Variants in PARD3B observed in about 807,000 individuals in gnomAD.
PARD3B encodes the protein par-3 family cell polarity regulator beta, also known as partitioning defective 3 homolog B.
PARD3B carries 103 observed loss-of-function variants against 130.2 expected under a neutral mutation model. The observed-to-expected ratio is 0.79, with a 90% CI of 0.67 to 0.93. The LOEUF is 0.93. PARD3B is among the 40% of genes least tolerant of loss of function. The pLI, the probability that PARD3B is intolerant of heterozygous loss-of-function variation, is 0.00. For missense variants in PARD3B, 1,609 were observed against 1,499.2 expected (o/e 1.07, Z -1.21); for synonymous variants, 583 against 553.2 (o/e 1.05, Z -0.76).
intron 1 of PARD3B, among the ~76,000 whole-genome samples, chr2:204,549,662 C>T (rs975808655): frequency 6.6e-6 from 1 of 152,134 alleles, no homozygotes; most frequent in African/African-American, 2.4e-5. Context: ...CTAATCTTTT[C>T]GTATGGCTGA....
At chr2:205,028,584 C>T (rs1404699004) in intron 3 of PARD3B, among the ~76,000 whole-genome samples, 1 of 152,096 alleles carries the variant, frequency 6.6e-6, no homozygotes, top group African/African-American at 2.4e-5. Flanking sequence ...GTCCCACTAG[C>T]GGCCTTCCCT....
intron 3 of PARD3B, among the ~76,000 whole-genome samples, chr2:204,988,060 C>G (rs143631666): frequency 1.3e-5 from 2 of 151,884 alleles, no homozygotes; most frequent in African/African-American, 4.8e-5. Context: ...CATCACATTG[C>G]AGGAGGAGGA....
chr2:204,802,181 G>A (rs1029082729), intron 2 of PARD3B, among the ~76,000 whole-genome samples: 6 of 152,152 alleles, frequency 3.9e-5, no homozygotes, highest in African/African-American at 1.4e-4. Context: ...GTGGGCAAAG[G>A]ATATGAACAG....
At chr2:204,560,688 T>G (rs556932692) in intron 1 of PARD3B, among the ~76,000 whole-genome samples, 1 of 152,202 alleles carries the variant, frequency 6.6e-6, no homozygotes, top group Admixed American at 6.5e-5. Context: ...TCCAGGACAG[T>G]TGTGGGACGG....
At position 204,902,418 on chromosome 2, in the gene PARD3B, C is replaced by T. The variant is rs1171986217; in HGVS notation, c.223-62734C>T. On this transcript the variant is annotated intron_variant, in intron 2 of 22. Transcript: ENST00000406610. ...GGCGCGGTGGCTCAGGCCTGTTATCCCAGCACTTTGGGAGGCCGAAGCGGG... is the reference window on the plus strand; with the variant it reads ...GGCGCGGTGGCTCAGGCCTGTTATCTCAGCACTTTGGGAGGCCGAAGCGGG... Among the ~76,000 whole-genome samples, 3 of 152,082 alleles carry T rather than the reference C, an allele frequency of 2.0e-5. No homozygotes were observed. In the East Asian group the frequency reaches 5.8e-4, roughly 30 times the overall value.
intron 3 of PARD3B, among the ~76,000 whole-genome samples, chr2:205,006,970 C>T (rs192460494): frequency 9.2e-5 from 14 of 152,166 alleles, no homozygotes; most frequent in Admixed American, 3.3e-4. Flanking sequence ...ATTTGATTCA[C>T]CTAATATTGT....
Position 204,596,958 on chromosome 2 carries a change from C to A in PARD3B, c.120+50839C>A, listed in dbSNP as rs77631124. Among the ~76,000 whole-genome samples, 1,345 of 151,208 alleles carry A rather than the reference C, an allele frequency of 8.9e-3. 6 individuals are homozygous for A. The highest frequency in any genetic ancestry group is 0.021 in the Middle Eastern group (6 of 292). On this transcript the variant is annotated intron_variant, in intron 1 of 22. Coordinates refer to ENST00000406610, the MANE Select transcript of PARD3B (RefSeq NM_001302769.2). The stretch of plus-strand genomic sequence containing the variant: ...TCTCTCTATCTGTCTCTCTCTCTCT[C>A]TCTCTATATATATATTATATATAAT...
At chr2:205,155,061 C>CA (rs10711367) in intron 10 of PARD3B, among the ~76,000 whole-genome samples, 8 of 148,184 alleles carry the variant, frequency 5.4e-5, no homozygotes, top group Non-Finnish European at 7.5e-5. Flanking sequence ...AATTTCATTT[C>CA]AAAAAAAAAA....
rs1409325978 is a variant in PARD3B, at chr2:204,967,241, A to T, written c.394+1918A>T. 6.6e-6 allele frequency among the ~76,000 whole-genome samples: 1 copy of T among 152,192 alleles called. No homozygotes were observed. Among genetic ancestry groups the T allele is most frequent in the African/African-American group, 2.4e-5 (1 of 41,436 alleles). On this transcript the variant is annotated intron_variant, in intron 3 of 22. Transcript: ENST00000406610. This position sits in a 1 kb window ranked among gnomAD's most constrained non-coding sequence, Gnocchi z 4.4. Reference sequence around the variant, plus strand: ...CATTCCCTTCCAACCATTTGGCCTGAAACCTTGGCATCACCTCCAGTTCCA... The same window carrying T: ...CATTCCCTTCCAACCATTTGGCCTGTAACCTTGGCATCACCTCCAGTTCCA...
chr2:205,148,056 A>G (rs1199385633), intron 10 of PARD3B, among the ~76,000 whole-genome samples: 2 of 152,078 alleles, frequency 1.3e-5, no homozygotes, highest in Admixed American at 6.5e-5. Flanking sequence ...AATATAGAGT[A>G]TATATAATAT....
chr2:205,477,354 T>C (rs1360972659), intron 20 of PARD3B, among the ~76,000 whole-genome samples: 2 of 152,198 alleles, frequency 1.3e-5, no homozygotes, highest in African/African-American at 4.8e-5. Flanking sequence ...GAATTTTTTA[T>C]AGACTCTCTC....
At chr2:204,814,672 C>G (rs1282915833) in intron 2 of PARD3B, among the ~76,000 whole-genome samples, 1 of 151,478 alleles carries the variant, frequency 6.6e-6, no homozygotes, top group African/African-American at 2.4e-5. Flanking sequence ...CAATATTTCA[C>G]CGTTGAGTAA....
intron 21 of PARD3B, among the ~76,000 whole-genome samples, chr2:205,523,204 ACTATAT>A (rs1417666705): frequency 1.7e-3 from 131 of 78,872 alleles, no homozygotes; most frequent in African/African-American, 4.6e-3. Context: ...ACCCCCGTGT[ACTATAT>A]GTGTGTGTGT....
intron 19 of PARD3B, among the ~76,000 whole-genome samples, chr2:205,432,938 ACCT>A (rs1453115113): frequency 1.3e-5 from 2 of 152,122 alleles, no homozygotes; most frequent in Non-Finnish European, 2.9e-5. Flanking sequence ...ATTCATAAAT[ACCT>A]CCTCTAAAGA....
At chr2:205,599,588 A>C (rs763122943) in intron 22 of PARD3B, among the ~76,000 whole-genome samples, 8 of 152,170 alleles carry the variant, frequency 5.3e-5, no homozygotes, top group Non-Finnish European at 7.3e-5. Flanking sequence ...GCAAGGGAAA[A>C]GATTTAGGAA....
intron 18 of PARD3B, among the ~76,000 whole-genome samples, chr2:205,332,191 A>C (rs564652281): frequency 1.3e-5 from 2 of 152,312 alleles, no homozygotes; most frequent in African/African-American, 4.8e-5. Context: ...TCAGTCTCCA[A>C]CTTTGCTTGC....
intron 15 of PARD3B, among the ~76,000 whole-genome samples, chr2:205,243,941 T>C (rs1183060615): frequency 1.3e-5 from 2 of 152,234 alleles, no homozygotes; most frequent in Non-Finnish European, 2.9e-5. Context: ...TTATCATTGT[T>C]TTCTAATGCT....
Position 205,160,143 on chromosome 2 carries a change from A to G in PARD3B, c.1620+1236A>G, listed in dbSNP as rs2034423431. Among the ~76,000 whole-genome samples the G allele has an allele frequency of 6.6e-6, 1 of 152,228 alleles. No individual in the cohort carries two copies. The highest frequency in any genetic ancestry group is 1.5e-5 in the Non-Finnish European group (1 of 68,030). On this transcript the variant is annotated intron_variant, in intron 11 of 22. Coordinates refer to ENST00000406610, the MANE Select transcript of PARD3B (RefSeq NM_001302769.2). The surrounding 1 kb of genome is among the most constrained non-coding windows in gnomAD (Gnocchi z 4.0). Reference sequence around the variant, plus strand: ...TCACTGGGAAATAAATGTACTTTGGACAGACACCTCTTCAGTTTACTCCTT... The same window carrying G: ...TCACTGGGAAATAAATGTACTTTGGGCAGACACCTCTTCAGTTTACTCCTT...
At chr2:204,694,291 T>C (rs1376511517) in intron 2 of PARD3B, among the ~76,000 whole-genome samples, 1 of 152,070 alleles carries the variant, frequency 6.6e-6, no homozygotes, top group Non-Finnish European at 1.5e-5. Context: ...ATAGAAACGA[T>C]TAAGTGGTCT....
Sources: allele counts gnomAD v4.1 joint callset (sites outside exome capture counted in the v4.1 genomes callset), GRCh38; gene constraint gnomAD v4.1.1; non-coding constraint Gnocchi (gnomAD v3.1); transcripts MANE v1.5; gene names NCBI Gene and HGNC (gene_info 2026-07-23, HGNC 2026-07-21).